Variants in MSL2 observed in about 807,000 individuals in gnomAD.
MSL2 encodes the protein E3 ubiquitin-protein ligase MSL2.
In MSL2, 2 loss-of-function variants were observed where a neutral mutation model predicts 35.8. The ratio of observed to expected loss-of-function variants is 0.06; its 90% CI spans 0.02 to 0.18. The LOEUF is 0.18. Ranked by LOEUF, MSL2 falls within the 10% of genes least tolerant of loss-of-function variation. The pLI is 1.00. For missense variants in MSL2, 523 were observed against 706.7 expected, an observed-to-expected ratio of 0.74 and a Z score of 2.95; for synonymous variants, 296 against 255.7, an observed-to-expected ratio of 1.16 and a Z score of -1.50.
intron 1 of MSL2, chr3:136,194,541 C>G (rs1415836776): frequency 1.5e-6 from 1 of 679,700 alleles, no homozygotes; most frequent in Non-Finnish European, 1.8e-6. Flanking sequence ...ACCACTCCCA[C>G]GTAACACCAG....
At chr3:136,169,968 T>TTGAGCCCAGGAGGTGAAAGATGCAG (rs1939974500) in intron 1 of MSL2, among the ~76,000 whole-genome samples, 1 of 151,336 alleles carries the variant, frequency 6.6e-6, no homozygotes, top group African/African-American at 2.4e-5. Flanking sequence ...CACAAATCAT[T>TTGAGCCCAGGAGGTGAAAGATGCAG]TGAGCCCAGG....
chr3:136,155,691 G>A (rs1276131514), intron 1 of MSL2: 6 of 492,876 alleles, frequency 1.2e-5, no homozygotes, highest in Non-Finnish European at 2.5e-5. Flanking sequence ...CTGCCTGAAT[G>A]GGGGGAACTT....
At chr3:136,192,887 G>A (rs2108100262) in intron 1 of MSL2, among the ~76,000 whole-genome samples, 1 of 152,280 alleles carries the variant, frequency 6.6e-6, no homozygotes, top group South Asian at 2.1e-4. Flanking sequence ...TGTCAATGCT[G>A]GGCTGAATTC....
intron 1 of MSL2, among the ~76,000 whole-genome samples, chr3:136,180,197 T>C (rs766321772): frequency 6.6e-6 from 1 of 152,198 alleles, no homozygotes; most frequent in Non-Finnish European, 1.5e-5. Context: ...TTGGACTTCT[T>C]ATGTTTCCGA....
At chr3:136,194,021 G>C (rs1448150685) in intron 1 of MSL2, among the ~76,000 whole-genome samples, 2 of 152,146 alleles carry the variant, frequency 1.3e-5, no homozygotes, top group Non-Finnish European at 2.9e-5. Flanking sequence ...TTTAAATAAA[G>C]TGGAAACCTT....
At chr3:136,181,340 A>C (rs545470452) in intron 1 of MSL2, among the ~76,000 whole-genome samples, 1 of 152,146 alleles carries the variant, frequency 6.6e-6, no homozygotes, top group South Asian at 2.1e-4. Flanking sequence ...CTAAGATTAA[A>C]ACAATATGAA....
At chr3:136,169,023 T>C (rs532337379) in intron 1 of MSL2, among the ~76,000 whole-genome samples, 13 of 152,180 alleles carry the variant, frequency 8.5e-5, no homozygotes, top group African/African-American at 2.4e-4. Flanking sequence ...TGTGAGGCTC[T>C]TGATCAAAAG....
In MSL2 at chr3:136,195,183, G is replaced by A. The variant is rs900247843; in HGVS notation, c.-70C>T. 4 of 1,549,306 alleles carry A rather than the reference G, an allele frequency of 2.6e-6. No individual in the cohort carries two copies. Among genetic ancestry groups the A allele is most frequent in the African/African-American group, 2.8e-5 (2 of 71,768 alleles). The stretch of plus-strand genomic sequence containing the variant: ...CGGATCCAACTTAGTAAGCAGCCAG[G>A]GAACGATGGCGAATTTGCAACAATT... On this transcript the variant is annotated 5_prime_UTR_variant, in exon 1 of 2. Coordinates refer to ENST00000309993, the MANE Select transcript of MSL2 (RefSeq NM_018133.4).
chr3:136,150,923 A>C lies in MSL2; in HGVS notation c.*224T>G, dbSNP rs1165371336. 1 of 514,340 alleles carries C rather than the reference A, an allele frequency of 1.9e-6. No homozygotes were observed. Among genetic ancestry groups the C allele is most frequent in the Middle Eastern group, 5.1e-4 (1 of 1,956 alleles). 31.9% of individuals were successfully genotyped at this position (514,340 alleles called of 1,614,324 possible). ...AATCAGTTGCATCAGCTTTGTTCTC[A>C]AACTATGAGGTTCTGTAAGAACTAA... On this transcript the variant is annotated 3_prime_UTR_variant, in exon 2 of 2. Transcript: ENST00000309993.
Position 136,155,798 on chromosome 3 carries a change from CG to C in MSL2, c.143-3061del, listed in dbSNP as rs1559957292. On this transcript the variant is annotated intron_variant, in intron 1 of 1. Transcript: ENST00000309993. ...CAAAGAGAACTGTGGGTCTGTGCCC[CG>C]TGACACCCGGCTGCCCAAGAACTGT... The C allele has an allele frequency of 7.0e-6, 4 of 571,162 alleles. No homozygotes were observed. In the East Asian group the frequency reaches 1.8e-4, roughly 26 times the overall value. 35.4% of individuals were successfully genotyped at this position (571,162 alleles called of 1,614,324 possible). A position where few individuals can be genotyped will look rare whatever the true frequency, so the allele number is the denominator to read the frequency against.
chr3:136,157,818 T>C lies in MSL2; in HGVS notation c.143-5080A>G, dbSNP rs151227377. ...CTGGAGAAAAAGTTTTAAAACTGAA[T>C]AGACCTGTAATAAAAGTTTTAAATA... is the stretch of plus-strand genomic sequence containing the variant. On this transcript the variant is annotated intron_variant, in intron 1 of 1. Coordinates refer to ENST00000309993, the MANE Select transcript of MSL2 (RefSeq NM_018133.4). Among the ~76,000 whole-genome samples, 458 of 152,278 alleles carry C rather than the reference T, an allele frequency of 3.0e-3. 2 individuals carry two copies. The highest frequency in any genetic ancestry group is 6.5e-3 in the Admixed American group (100 of 15,298).
chr3:136,195,037 T>G lies in MSL2; in HGVS notation c.77A>C (p.Lys26Thr). The G allele has an allele frequency of 1.2e-6, 2 of 1,613,950 alleles. No homozygotes were observed. The highest frequency in any genetic ancestry group is 1.7e-6 in the Non-Finnish European group (2 of 1,179,968). Residue 26 changes from lysine (K) to threonine (T), a missense_variant, in exon 1 of 2, where the codon AAG becomes ACG. Physicochemically the swap from Lys to Thr is moderately conservative, Grantham distance 78 (BLOSUM62 -1). Transcript: ENST00000309993. ...GAGCCTGTTAATCTCAGTAAACGCC[T>G]TGGGGTCTCCGGGGTCGTAGTTGAG... The part of the protein sequence containing the change: ...LVLNYDPGDP[K>T]AFTEINRLLP...
At chr3:136,194,856 G>C in intron 1 of MSL2, 116 bp downstream of exon 1, 7 of 1,479,854 alleles carry the variant, frequency 4.7e-6, no homozygotes, top group Non-Finnish European at 6.5e-6. Flanking sequence ...GTACAGCGCT[G>C]CACAAATAAC....
Position 136,151,301 on chromosome 3 carries a change from A to C in MSL2, c.1580T>G (p.Leu527Trp). The C allele has an allele frequency of 6.2e-7, 1 of 1,614,252 alleles. No individual in the cohort carries two copies. Among genetic ancestry groups the C allele is most frequent in the Non-Finnish European group, 8.5e-7 (1 of 1,180,042 alleles). ...EKALEQTRLT[L>W]GINVTSIAVR... ...AGCAATGCTAGTCACGTTAATGCCCAAAGTGAGCCTGGTCTGCTCCAAGGC... is the reference window on the plus strand; with the variant it reads ...AGCAATGCTAGTCACGTTAATGCCCCAAGTGAGCCTGGTCTGCTCCAAGGC... The change falls in exon 2 of 2, where the codon TTG becomes TGG. Residue 527 changes from leucine (L) to tryptophan (W), a missense_variant. By Grantham distance (61) the Leu-to-Trp change is moderately conservative. Around this residue, in one of 5 missense-constraint regions of MSL2, gnomAD observed 60 missense variants for 75.1 expected, o/e 0.80. Transcript: ENST00000309993. The surrounding 1 kb of genome is among the most constrained non-coding windows in gnomAD (Gnocchi z 5.2).
At chr3:136,194,539 C>T in intron 1 of MSL2, 1 of 679,740 alleles carries the variant, frequency 1.5e-6, no homozygotes, top group Non-Finnish European at 1.8e-6. Context: ...CCACCACTCC[C>T]ACGTAACACC....
chr3:136,189,307 TAAA>T, intron 1 of MSL2, among the ~76,000 whole-genome samples: 1 of 113,632 alleles, frequency 8.8e-6, no homozygotes, highest in African/African-American at 3.3e-5. Context: ...TCGAGAAAAT[TAAA>T]AAAAAAAAAA....
At chr3:136,183,510 C>T (rs973817594) in intron 1 of MSL2, among the ~76,000 whole-genome samples, 3 of 152,158 alleles carry the variant, frequency 2.0e-5, no homozygotes, top group African/African-American at 7.2e-5. Flanking sequence ...CAACCTCTGC[C>T]TCCTGGGCTC....
At chr3:136,173,218 T>C (rs773098716) in intron 1 of MSL2, among the ~76,000 whole-genome samples, 1 of 152,156 alleles carries the variant, frequency 6.6e-6, no homozygotes, top group African/African-American at 2.4e-5. Flanking sequence ...TCTAGAGTGA[T>C]TGCCCATAAA....
At chr3:136,182,650 G>A (rs775449870) in intron 1 of MSL2, among the ~76,000 whole-genome samples, 2 of 151,520 alleles carry the variant, frequency 1.3e-5, no homozygotes, top group Non-Finnish European at 2.9e-5. Flanking sequence ...TGAGAGAGCT[G>A]CACAGAGAAA....
Sources: allele counts gnomAD v4.1 joint callset (sites outside exome capture counted in the v4.1 genomes callset), GRCh38; gene constraint gnomAD v4.1.1; regional missense constraint gnomAD v4.1.1; non-coding constraint Gnocchi (gnomAD v3.1); transcripts MANE v1.5; gene names NCBI Gene and HGNC (gene_info 2026-07-23, HGNC 2026-07-21).